The following EPHB2 variants were observed in gnomAD, a reference collection of about 807,000 sequenced individuals.
EPHB2 encodes EPH receptor B2, also known as ephrin type-B receptor 2.
In EPHB2, 18 loss-of-function variants were observed where a neutral mutation model predicts 96.4. The observed-to-expected ratio is 0.19, with a 90% confidence interval of 0.13 to 0.28. The LOEUF is 0.28. Ranked by LOEUF, EPHB2 falls within the 10% of genes least tolerant of loss-of-function variation. The pLI is 1.00. For synonymous variants in EPHB2, 506 were observed against 534.1 expected (o/e 0.95, Z 0.72); for missense variants, 989 against 1,355.4 (o/e 0.73, Z 4.25).
chr1:22,719,450 A>G (rs2869513), intron 1 of EPHB2: 44,526 of 154,196 alleles, frequency 0.29, 7,808 homozygotes, highest in South Asian at 0.54. Context: ...ATCTGGTTTC[A>G]CAGGGCCCAC....
At chr1:22,893,092 C>T (rs1272196175) in intron 7 of EPHB2, 46 bp downstream of exon 7, 2 of 1,613,736 alleles carry the variant, frequency 1.2e-6, no homozygotes, top group Non-Finnish European at 1.7e-6. Flanking sequence ...ACTCCACAAA[C>T]AGAACAAACT....
At chr1:22,819,202 G>T (rs1313285062) in intron 3 of EPHB2, among the ~76,000 whole-genome samples, 1 of 63,672 alleles carries the variant, frequency 1.6e-5, no homozygotes, top group South Asian at 6.9e-4. Context: ...TCGCCCAGCA[G>T]ATGTCTCTCT....
Position 22,863,108 on chromosome 1 carries a change from A to G in EPHB2, c.883A>G (p.Thr295Ala). The change falls in exon 4 of 16, where the codon ACC becomes GCC. Residue 295 changes from threonine to alanine, a missense_variant. Transcript: ENST00000374630. The part of the protein sequence containing the change: ...ACTHCPINSR[T>A]TSEGATNCVC... ...TACCCACTGTCCCATCAACAGCCGG[A>G]CCACTTCTGAAGGGGCCACCAACTG... 6.2e-7 allele frequency: 1 copy of G among 1,614,196 alleles called. No individual in the cohort carries two copies. Among genetic ancestry groups the G allele is most frequent in the South Asian group, 1.1e-5 (1 of 91,078 alleles).
intron 1 of EPHB2, among the ~76,000 whole-genome samples, chr1:22,736,852 C>T (rs1214150276): frequency 6.6e-6 from 1 of 152,136 alleles, no homozygotes; most frequent in East Asian, 1.9e-4. Context: ...ACACAGGACT[C>T]AGCCGGCCCC....
chr1:22,844,870 C>A (rs1353786288), intron 3 of EPHB2, among the ~76,000 whole-genome samples: 2 of 152,216 alleles, frequency 1.3e-5, no homozygotes, highest in Non-Finnish European at 2.9e-5. Flanking sequence ...CAGCTGAAGG[C>A]CTTTGGCAGC....
Position 22,860,806 on chromosome 1 carries a change from G to A in EPHB2, c.812-2231G>A, listed in dbSNP as rs776664862. ...ACCCGTTCAGAGAGGCCGACTGCTC[G>A]ACCAGAGCTGGGGCTGCAGCCTGCA... On this transcript the variant is annotated intron_variant, in intron 3 of 15. Coordinates refer to ENST00000374630, the MANE Select transcript of EPHB2 (RefSeq NM_017449.5). The surrounding 1 kb of genome is among the most constrained non-coding windows in gnomAD (Gnocchi z 4.6). Among the ~76,000 whole-genome samples, 12 of 152,274 alleles carry A rather than the reference G, an allele frequency of 7.9e-5. No individual in the cohort carries two copies. The highest frequency in any genetic ancestry group is 5.2e-4 in the Admixed American group (8 of 15,302).
rs1042967672 is a variant in EPHB2 at position 22,921,396 on chromosome 1, A to G, written c.*7826A>G. 2 of 152,246 alleles carry G rather than the reference A, an allele frequency of 1.3e-5. No individual in the cohort carries two copies. Among genetic ancestry groups the G allele is most frequent in the African/African-American group, 4.8e-5 (2 of 41,476 alleles). The allele number at this position is 152,246 out of a possible 1,614,324, so 9.4% of individuals were successfully genotyped here. ...CTGCTGTGACCAAGGAAATCTCACCAGCTGTGTCCAAGATCAACCCTGACC... is the reference window on the plus strand; with the variant it reads ...CTGCTGTGACCAAGGAAATCTCACCGGCTGTGTCCAAGATCAACCCTGACC... On this transcript the variant is annotated 3_prime_UTR_variant, in exon 16 of 16. Coordinates refer to ENST00000374630, the MANE Select transcript of EPHB2 (RefSeq NM_017449.5).
chr1:22,716,796 T>C (rs551309358), intron 1 of EPHB2, among the ~76,000 whole-genome samples: 2 of 152,260 alleles, frequency 1.3e-5, no homozygotes, highest in South Asian at 4.1e-4. Flanking sequence ...AGCCTGCTGG[T>C]GACAGGATGC....
intron 1 of EPHB2, chr1:22,719,717 T>C (rs1221289228): frequency 6.6e-6 from 1 of 151,936 alleles, no homozygotes; most frequent in Non-Finnish European, 1.5e-5. Context: ...ATGACAGGGG[T>C]GAGACTCAGT....
At chr1:22,818,891 A>G (rs557001112) in intron 3 of EPHB2, among the ~76,000 whole-genome samples, 1 of 151,982 alleles carries the variant, frequency 6.6e-6, no homozygotes, top group African/African-American at 2.4e-5. Context: ...CCATCTGTTT[A>G]TGTGTCTTTC....
At chr1:22,822,788 G>T (rs916585339) in intron 3 of EPHB2, among the ~76,000 whole-genome samples, 1 of 152,220 alleles carries the variant, frequency 6.6e-6, no homozygotes, top group African/African-American at 2.4e-5. Context: ...CCAGTTTCAG[G>T]CCCAGTGCCC....
chr1:22,812,851 G>C (rs1645022516), intron 3 of EPHB2, among the ~76,000 whole-genome samples: 1 of 152,282 alleles, frequency 6.6e-6, no homozygotes, highest in South Asian at 2.1e-4. Flanking sequence ...ATGAGTGTTG[G>C]TAGAATGACC....
intron 5 of EPHB2, among the ~76,000 whole-genome samples, chr1:22,880,694 G>T (rs1639010645): frequency 6.6e-6 from 1 of 152,222 alleles, no homozygotes; most frequent in South Asian, 2.1e-4. Flanking sequence ...GAAGCCGTGT[G>T]CACCTCGGAA....
At chr1:22,894,768 G>A (rs1472475319) in intron 7 of EPHB2, among the ~76,000 whole-genome samples, 2 of 152,066 alleles carry the variant, frequency 1.3e-5, no homozygotes, top group Admixed American at 6.5e-5. Flanking sequence ...CCTGGCTGGG[G>A]TGCTACTTTC....
chr1:22,720,660 T>TCCGCC (rs1215770523), intron 1 of EPHB2, among the ~76,000 whole-genome samples: 5 of 57,398 alleles, frequency 8.7e-5, no homozygotes, highest in Non-Finnish European at 1.4e-4. Flanking sequence ...GAAATCTCAT[T>TCCGCC]CCCCCCCCCC....
rs1055263657 is a variant in EPHB2, at chr1:22,915,561, C to A, written c.*1991C>A. On this transcript the variant is annotated 3_prime_UTR_variant, in exon 16 of 16. Coordinates refer to ENST00000374630, the MANE Select transcript of EPHB2 (RefSeq NM_017449.5). ...TGGAAGTGGCTCAGAACTCAGCCTTCGATGCCCTGGGAATCAGGGTGAGCC... is the reference window on the plus strand; with the variant it reads ...TGGAAGTGGCTCAGAACTCAGCCTTAGATGCCCTGGGAATCAGGGTGAGCC... 1 of 152,152 alleles carries A rather than the reference C, an allele frequency of 6.6e-6. No homozygotes were observed. Among genetic ancestry groups the A allele is most frequent in the African/African-American group, 2.4e-5 (1 of 41,424 alleles). The allele number at this position is 152,152 out of a possible 1,614,324, so 9.4% of individuals were successfully genotyped here. A position where few individuals can be genotyped will look rare whatever the true frequency, so the allele number is the denominator to read the frequency against.
At chr1:22,781,582 C>A in intron 2 of EPHB2, 97 bp downstream of exon 2, 1 of 1,266,588 alleles carries the variant, frequency 7.9e-7, no homozygotes, top group East Asian at 2.5e-5. Context: ...CCCCTTTCCC[C>A]CTCTTCAGGA....
intron 15 of EPHB2, 72 bp downstream of exon 15, chr1:22,912,671 G>T (rs1640147682): frequency 2.5e-6 from 4 of 1,596,970 alleles, no homozygotes; most frequent in Non-Finnish European, 3.4e-6. Context: ...CAAGTGGGGT[G>T]ATCTGGAGGG....
rs755478868 is a variant in EPHB2, at chr1:22,912,579, C to T, written c.2832C>T (p.Val944=). Residue 944 remains valine (V), a synonymous_variant, in exon 15 of 16, where the codon GTC becomes GTT. Transcript: ENST00000374630. ...FANAGFTSFD[V]VSQMMMEDIL... is the part of the protein sequence containing the mutation. Reference sequence around the variant, plus strand: ...ATGCCGGCTTCACCTCCTTTGACGTCGTGTCTCAGATGATGATGGAGTAAG... The same window carrying T: ...ATGCCGGCTTCACCTCCTTTGACGTTGTGTCTCAGATGATGATGGAGTAAG... 6.2e-6 allele frequency: 10 copies of T among 1,613,846 alleles called. No homozygotes were observed. The highest frequency in any genetic ancestry group is 4.4e-5 in the South Asian group (4 of 91,074).
Sources: gnomAD v4.1 joint callset for allele counts (sites outside exome capture counted in the v4.1 genomes callset) on GRCh38, gnomAD v4.1.1 for gene constraint, Gnocchi (gnomAD v3.1) non-coding constraint, MANE v1.5 for transcripts, NCBI Gene and HGNC (gene_info 2026-07-23, HGNC 2026-07-21) for gene names.